Variants in SDK1 observed in about 807,000 individuals in gnomAD.
SDK1 encodes protein sidekick-1.
A neutral mutation model predicts 245.5 loss-of-function variants in SDK1; 157 were observed. The observed-to-expected ratio is 0.64, with a 90% CI of 0.56 to 0.73. SDK1 has a LOEUF of 0.73. Ranked by LOEUF, SDK1 falls within the 30% of genes least tolerant of loss-of-function variation. The pLI is 0.00. For missense variants in SDK1, 3,583 were observed against 3,002.3 expected (o/e 1.19, Z -4.52); for synonymous variants, 1,647 against 1,278.5 (o/e 1.29, Z -6.15).
At chr7:3,948,640 A>G (rs1780674240) in intron 5 of SDK1, among the ~76,000 whole-genome samples, 1 of 152,140 alleles carries the variant, frequency 6.6e-6, no homozygotes, top group Non-Finnish European at 1.5e-5. Flanking sequence ...GAACCCCGTG[A>G]TGGATGGATG....
At chr7:3,494,653 C>A (rs1232131629) in intron 1 of SDK1, among the ~76,000 whole-genome samples, 1 of 152,142 alleles carries the variant, frequency 6.6e-6, no homozygotes, top group East Asian at 1.9e-4. Context: ...CATCTCCCAA[C>A]AATTATGTTT....
intron 9 of SDK1, among the ~76,000 whole-genome samples, chr7:3,963,868 G>A (rs970639233): frequency 4.0e-5 from 6 of 151,370 alleles, no homozygotes; most frequent in African/African-American, 7.3e-5. Context: ...CTAAGCTCAC[G>A]GCTACCCGGA....
intron 17 of SDK1, among the ~76,000 whole-genome samples, chr7:4,030,059 T>C (rs1010186379): frequency 1.8e-4 from 27 of 152,044 alleles, no homozygotes; most frequent in African/African-American, 6.3e-4. Context: ...CAGATCGAGG[T>C]AAATGGCAGC....
In SDK1 at chr7:3,319,878, C is replaced by CTTTTTTTTTTTTTTTTTTTTTTTTTTT. The variant is rs57770805; in HGVS notation, c.298+18011_298+18012insTTTTTTTTTTTTTTTTTTTTTTTTTTT. Among the ~76,000 whole-genome samples the CTTTTTTTTTTTTTTTTTTTTTTTTTTT allele has an allele frequency of 1.6e-3, 137 of 88,110 alleles. 14 individuals carry two copies. The highest frequency in any genetic ancestry group is 2.3e-3 in the African/African-American group (50 of 21,742). 57.8% of individuals were successfully genotyped at this position (88,110 alleles called of 152,430 possible). On this transcript the variant is annotated intron_variant, in intron 1 of 44. Transcript: ENST00000404826. ...TGCCTATATCTAACCCATTCTTAGTCTTTTTTTTTTTTTTTTTGCATTTGC... is the reference window on the plus strand; with the variant it reads ...TGCCTATATCTAACCCATTCTTAGTCTTTTTTTTTTTTTTTTTTTTTTTTTTTTTTTTTTTTTTTTTTTTGCATTTGC...
intron 14 of SDK1, among the ~76,000 whole-genome samples, chr7:4,009,993 GC>G (rs1203561595): frequency 6.6e-6 from 1 of 152,198 alleles, no homozygotes; most frequent in Non-Finnish European, 1.5e-5. Flanking sequence ...TGCAGGCTCT[GC>G]CTAGCCCAAC....
At chr7:3,720,115 A>G (rs937846593) in intron 4 of SDK1, among the ~76,000 whole-genome samples, 1 of 152,096 alleles carries the variant, frequency 6.6e-6, no homozygotes, top group Admixed American at 6.5e-5. Context: ...ACTTTTATGA[A>G]TGACCTTATT....
At chr7:4,231,650 CAGTATTA>C (rs1400575686) in intron 40 of SDK1, among the ~76,000 whole-genome samples, 1 of 151,866 alleles carries the variant, frequency 6.6e-6, no homozygotes, top group Non-Finnish European at 1.5e-5. Flanking sequence ...GAGGGAAGAT[CAGTATTA>C]TACTACCTTT....
At chr7:3,463,322 T>C (rs2128595616) in intron 1 of SDK1, among the ~76,000 whole-genome samples, 1 of 152,248 alleles carries the variant, frequency 6.6e-6, no homozygotes, top group African/African-American at 2.4e-5. Flanking sequence ...TGAAAAATAC[T>C]TGTCATATAG....
At chr7:3,611,264 C>T (rs1781578670) in intron 1 of SDK1, among the ~76,000 whole-genome samples, 1 of 152,140 alleles carries the variant, frequency 6.6e-6, no homozygotes, top group Admixed American at 6.5e-5. Context: ...TGGGAATTTG[C>T]TGTGATAATA....
chr7:3,633,330 G>A (rs1046915112), intron 2 of SDK1, among the ~76,000 whole-genome samples: 19 of 152,072 alleles, frequency 1.2e-4, no homozygotes, highest in African/African-American at 3.4e-4. Context: ...TAAGTTCCCT[G>A]ACCACCTAGG....
At chr7:4,151,751 G>A (rs1780396206) in intron 30 of SDK1, among the ~76,000 whole-genome samples, 1 of 152,192 alleles carries the variant, frequency 6.6e-6, no homozygotes. Flanking sequence ...TGGACATGCA[G>A]CCCAGACTTC....
chr7:3,864,700 G>T (rs1206233229), intron 5 of SDK1, among the ~76,000 whole-genome samples: 1 of 152,110 alleles, frequency 6.6e-6, no homozygotes, highest in Non-Finnish European at 1.5e-5. Flanking sequence ...TCCTGATCTA[G>T]CCTGCTTAGT....
chr7:3,733,590 T>TAC (rs1779239251), intron 4 of SDK1, among the ~76,000 whole-genome samples: 1 of 152,200 alleles, frequency 6.6e-6, no homozygotes, highest in African/African-American at 2.4e-5. Flanking sequence ...GGTCTGTGTT[T>TAC]ACCTCTAGCC....
chr7:3,479,253 C>T (rs1008752285), intron 1 of SDK1, among the ~76,000 whole-genome samples: 1 of 151,536 alleles, frequency 6.6e-6, no homozygotes, highest in Non-Finnish European at 1.5e-5. Flanking sequence ...AAAACCCCGT[C>T]TCTACCAAAA....
rs1779758130 is a variant in SDK1, at chr7:3,926,127, T to C, written c.848-24796T>C. 1.3e-5 allele frequency among the ~76,000 whole-genome samples: 2 copies of C among 152,148 alleles called. 1 individual carries two copies. Among genetic ancestry groups the C allele is most frequent in the South Asian group, 4.2e-4 (2 of 4,818 alleles). On this transcript the variant is annotated intron_variant, in intron 5 of 44. Transcript: ENST00000404826. The stretch of plus-strand genomic sequence containing the variant: ...TCCAGCACCTGGATAAATCCCTTTT[T>C]GTGCAACAAGCACTGATGGAGTCTA...
chr7:3,922,360 C>A (rs1456403719), intron 5 of SDK1, among the ~76,000 whole-genome samples: 1 of 152,164 alleles, frequency 6.6e-6, no homozygotes, highest in Non-Finnish European at 1.5e-5. Flanking sequence ...AGTTCACTGA[C>A]GTCATATTGG....
chr7:3,802,106 A>T (rs1355917968), intron 4 of SDK1, among the ~76,000 whole-genome samples: 1 of 152,160 alleles, frequency 6.6e-6, no homozygotes, highest in Non-Finnish European at 1.5e-5. Context: ...TGTACCCTTC[A>T]CCCAATGTTT....
chr7:3,606,020 T>G (rs1292457742), intron 1 of SDK1, among the ~76,000 whole-genome samples: 1 of 152,164 alleles, frequency 6.6e-6, no homozygotes, highest in Non-Finnish European at 1.5e-5. Flanking sequence ...TTTGTGAAAA[T>G]AACATACACT....
At chr7:4,052,435 A>G (rs555670781) in intron 19 of SDK1, among the ~76,000 whole-genome samples, 1 of 152,314 alleles carries the variant, frequency 6.6e-6, no homozygotes, top group South Asian at 2.1e-4. Flanking sequence ...AAAAAATGTG[A>G]AAAGCATTCA....
Sources: gnomAD v4.1 joint callset for allele counts (sites outside exome capture counted in the v4.1 genomes callset) on GRCh38, gnomAD v4.1.1 for gene constraint, MANE v1.5 for transcripts, NCBI Gene and HGNC (gene_info 2026-07-23, HGNC 2026-07-21) for gene names.